The following THBS1 variants were observed in gnomAD, a reference collection of about 807,000 sequenced individuals.
THBS1 encodes thrombospondin 1.
Under a neutral mutation model 126.1 loss-of-function variants are expected in THBS1, and 29 were observed. The ratio of observed to expected loss-of-function variants is 0.23; its 90% confidence interval spans 0.17 to 0.31. The LOEUF is 0.31. Ranked by LOEUF, THBS1 falls within the 10% of genes least tolerant of loss-of-function variation. THBS1 has a pLI of 1.00. For missense variants in THBS1, 1,198 were observed against 1,545.2 expected (o/e 0.78, Z 3.77); for synonymous variants, 496 against 577.8 (o/e 0.86, Z 2.03).
Position 39,589,443 on chromosome 15 carries a change from C to T in THBS1, c.1926+89C>T. ...AGCGGGAGGAATGTAATTTCATACCCTTCACCAAAAAAAAAAGGGCGAGGA... is the reference window on the plus strand; with the variant it reads ...AGCGGGAGGAATGTAATTTCATACCTTTCACCAAAAAAAAAAGGGCGAGGA... On this transcript the variant is annotated intron_variant, in intron 12 of 21. Transcript: ENST00000260356. This position sits in a 1 kb window ranked among gnomAD's most constrained non-coding sequence, Gnocchi z 4.7. 2 of 1,488,324 alleles carry T rather than the reference C, an allele frequency of 1.3e-6. No homozygotes were observed. The highest frequency in any genetic ancestry group is 2.6e-5 in the South Asian group (2 of 77,192). 92.2% of individuals were successfully genotyped at this position (1,488,324 alleles called of 1,614,324 possible). A position where few individuals can be genotyped will look rare whatever the true frequency, so the allele number is the denominator to read the frequency against.
rs528727086 is a variant in THBS1, at chr15:39,594,980, A to G, written c.3506-382A>G. Reference sequence around the variant, plus strand: ...TGGCTCTACCACAAAATAAGTGCTTAATATATATTTACTGGGCCAAGGCCA... The same window carrying G: ...TGGCTCTACCACAAAATAAGTGCTTGATATATATTTACTGGGCCAAGGCCA... On this transcript the variant is annotated intron_variant, in intron 21 of 21. Transcript: ENST00000260356. This position sits in a 1 kb window ranked among gnomAD's most constrained non-coding sequence, Gnocchi z 4.4. Among the ~76,000 whole-genome samples the G allele has an allele frequency of 7.2e-5, 11 of 152,358 alleles. No individual in the cohort carries two copies. The highest frequency in any genetic ancestry group is 2.6e-4 in the African/African-American group (11 of 41,576).
chr15:39,596,965 T>C lies in THBS1; in HGVS notation c.*1596T>C, dbSNP rs1339739893. Reference sequence around the variant, plus strand: ...TTTAAGTGTCTAACAAACTTAAAGCTACTGTAGTACCTAAAAAGTCAGTGT... The same window carrying C: ...TTTAAGTGTCTAACAAACTTAAAGCCACTGTAGTACCTAAAAAGTCAGTGT... On this transcript the variant is annotated 3_prime_UTR_variant, in exon 22 of 22. Coordinates refer to ENST00000260356, the MANE Select transcript of THBS1 (RefSeq NM_003246.4). 6.6e-6 allele frequency: 1 copy of C among 152,252 alleles called. No homozygotes were observed. The highest frequency in any genetic ancestry group is 6.5e-5 in the Admixed American group (1 of 15,288). 9.4% of individuals were successfully genotyped at this position (152,252 alleles called of 1,614,324 possible). A position where few individuals can be genotyped will look rare whatever the true frequency, so the allele number is the denominator to read the frequency against.
Position 39,594,575 on chromosome 15 carries a change from C to A in THBS1, c.3505+135C>A. On this transcript the variant is annotated intron_variant, in intron 21 of 21. Coordinates refer to ENST00000260356, the MANE Select transcript of THBS1 (RefSeq NM_003246.4). This position sits in a 1 kb window ranked among gnomAD's most constrained non-coding sequence, Gnocchi z 4.4. ...TATTTCTATTTTGCTTTTGAGGACA[C>A]AAGGACAAAAATGGAATAATGCCTA... The A allele has an allele frequency of 1.6e-6, 2 of 1,217,130 alleles. No homozygotes were observed. Among genetic ancestry groups the A allele is most frequent in the Non-Finnish European group, 1.1e-6 (1 of 881,992 alleles). The allele number at this position is 1,217,130 out of a possible 1,614,324, so 75.4% of individuals were successfully genotyped here. A position where few individuals can be genotyped will look rare whatever the true frequency, so the allele number is the denominator to read the frequency against.
chr15:39,592,646 C>T lies in THBS1; in HGVS notation c.2611C>T (p.Leu871=), dbSNP rs143245007. Residue 871 remains leucine (L), a synonymous_variant, in exon 17 of 22, where the codon CTG becomes TTG. Coordinates refer to ENST00000260356, the MANE Select transcript of THBS1 (RefSeq NM_003246.4). The surrounding 1 kb of genome is among the most constrained non-coding windows in gnomAD (Gnocchi z 4.3). ...DIDEDGHQNN[L]DNCPYVPNAN... Reference sequence around the variant, plus strand: ...TGATGAAGATGGCCACCAGAACAATCTGGACAACTGTCCCTATGTGCCCAA... The same window carrying T: ...TGATGAAGATGGCCACCAGAACAATTTGGACAACTGTCCCTATGTGCCCAA... 9.6e-4 allele frequency: 1,548 copies of T among 1,614,174 alleles called. 50 individuals are homozygous for T. The East Asian group carries it at 0.034, about 36-fold the overall frequency.
In THBS1 at chr15:39,592,453, C is replaced by A; in HGVS notation, c.2533-115C>A. 1.3e-6 allele frequency: 1 copy of A among 758,880 alleles called. No homozygotes were observed. Among genetic ancestry groups the A allele is most frequent in the Non-Finnish European group, 2.1e-6 (1 of 468,822 alleles). 47.0% of individuals were successfully genotyped at this position (758,880 alleles called of 1,614,324 possible). ...TGCAGGAGTGTGTAAATAGACATGA[C>A]ACCCCACTGGCTGTATCAAACAATG... On this transcript the variant is annotated intron_variant, in intron 16 of 21. Transcript: ENST00000260356. This position sits in a 1 kb window ranked among gnomAD's most constrained non-coding sequence, Gnocchi z 4.3.
rs1890353771 is a variant in THBS1, at chr15:39,592,819, ACTTT to A, written c.2767+20_2767+23del. 1.9e-6 allele frequency: 3 copies of A among 1,604,234 alleles called. No homozygotes were observed. The Admixed American group carries it at 5.0e-5, about 27-fold the overall frequency. On this transcript the variant is annotated intron_variant, in intron 17 of 21. Coordinates refer to ENST00000260356, the MANE Select transcript of THBS1 (RefSeq NM_003246.4). The surrounding 1 kb of genome is among the most constrained non-coding windows in gnomAD (Gnocchi z 4.3). ...ACTCTGACGGTGAGTCATGGGAGCC[ACTTT>A]CTAAGACAGGGACTGCTGGCACAGC... is the stretch of plus-strand genomic sequence containing the variant.
intron 9 of THBS1, 150 bp downstream of exon 9, chr15:39,588,368 C>T: frequency 3.9e-6 from 5 of 1,287,046 alleles, no homozygotes; most frequent in Non-Finnish European, 5.2e-6. Flanking sequence ...GCAGGCTCAG[C>T]AACTTCTTTT....
At position 39,582,436 on chromosome 15, in the gene THBS1, T is replaced by C; in HGVS notation, c.311T>C (p.Leu104Pro). 1 of 1,614,160 alleles carries C rather than the reference T, an allele frequency of 6.2e-7. No individual in the cohort carries two copies. The highest frequency in any genetic ancestry group is 8.5e-7 in the Non-Finnish European group (1 of 1,180,018). Residue 104 changes from leucine to proline, a missense_variant, in exon 3 of 22, where the codon CTG becomes CCG. Leu to Pro is a moderately conservative substitution (Grantham distance 98, BLOSUM62 -3). This residue lies in a region of THBS1 where 271 missense variants were observed against 277.0 expected (regional missense o/e 0.98). Coordinates refer to ENST00000260356, the MANE Select transcript of THBS1 (RefSeq NM_003246.4). ...CAGATGAAGAAGACCCGGGGCACGC[T>C]GCTGGCCCTGGAGCGGAAAGACCAC... ...LRQMKKTRGT[L>P]LALERKDHSG...
chr15:39,589,692 C>T lies in THBS1; in HGVS notation c.1927-113C>T. 8.5e-7 allele frequency: 1 copy of T among 1,179,836 alleles called. No individual in the cohort carries two copies. Among genetic ancestry groups the T allele is most frequent in the Non-Finnish European group, 1.2e-6 (1 of 863,690 alleles). The allele number at this position is 1,179,836 out of a possible 1,614,324, so 73.1% of individuals were successfully genotyped here. A position where few individuals can be genotyped will look rare whatever the true frequency, so the allele number is the denominator to read the frequency against. On this transcript the variant is annotated intron_variant, in intron 12 of 21. Coordinates refer to ENST00000260356, the MANE Select transcript of THBS1 (RefSeq NM_003246.4). The surrounding 1 kb of genome is among the most constrained non-coding windows in gnomAD (Gnocchi z 4.7). ...GGGAGGGACAGAGGTAACCCACACT[C>T]TTCCAAATGGAGCCTCTGTCTACTC...
At chr15:39,586,329 A>T (rs1013417173) in intron 7 of THBS1, among the ~76,000 whole-genome samples, 1 of 152,120 alleles carries the variant, frequency 6.6e-6, no homozygotes, top group African/African-American at 2.4e-5. Context: ...GGTCGTTTTT[A>T]CATTTATTTT....
At chr15:39,583,743 C>A in intron 4 of THBS1, 51 bp downstream of exon 4, 1 of 1,566,754 alleles carries the variant, frequency 6.4e-7, no homozygotes, top group Non-Finnish European at 8.7e-7. Flanking sequence ...GGGAATTCCA[C>A]CAAAAACAAA....
At position 39,585,477 on chromosome 15, in the gene THBS1, TTACCA is replaced by T; in HGVS notation, c.1036_1040del (p.Thr346LeufsTer18). 3 of 1,614,130 alleles carry T rather than the reference TTACCA, an allele frequency of 1.9e-6. No homozygotes were observed. Among genetic ancestry groups the T allele is most frequent in the Non-Finnish European group, 2.5e-6 (3 of 1,179,984 alleles). On this transcript the variant is annotated frameshift_variant, in exon 7 of 22. Coordinates refer to ENST00000260356, the MANE Select transcript of THBS1 (RefSeq NM_003246.4). LOFTEE classifies it high-confidence loss of function. ...CACTCTCTTGCCCTGCAGAACTCAGTTACCATCTGCAAAAAGGTGTCCTGCCCCAT... is the reference window on the plus strand; with the variant it reads ...CACTCTCTTGCCCTGCAGAACTCAGTTCTGCAAAAAGGTGTCCTGCCCCAT...
chr15:39,595,901 G>A lies in THBS1; in HGVS notation c.*532G>A, dbSNP rs748647178. On this transcript the variant is annotated 3_prime_UTR_variant, in exon 22 of 22. Transcript: ENST00000260356. ...GGAACTGTTACATGTTCGGTACTAA[G>A]TCATTTTCAGGGGATTGAAAGACTA... The A allele has an allele frequency of 8.6e-5, 39 of 454,496 alleles. No individual in the cohort carries two copies. Among genetic ancestry groups the A allele is most frequent in the South Asian group, 4.3e-4 (28 of 64,526 alleles). The allele number at this position is 454,496 out of a possible 1,614,324, so 28.2% of individuals were successfully genotyped here.
Position 39,583,992 on chromosome 15 carries a change from C to A in THBS1, c.708C>A (p.Thr236=), listed in dbSNP as rs764233037. 2.7e-5 allele frequency: 43 copies of A among 1,614,052 alleles called. No individual in the cohort carries two copies. Among genetic ancestry groups the A allele is most frequent in the Non-Finnish European group, 3.5e-5 (41 of 1,180,050 alleles). The change falls in exon 5 of 22, where the codon ACC becomes ACA. Residue 236 remains threonine (T), a synonymous_variant. Coordinates refer to ENST00000260356, the MANE Select transcript of THBS1 (RefSeq NM_003246.4). ...TTTCATTTTGTTTCTTGCCAGCTACCAGTGTCCTCCTCACCCTTGACAACA... is the reference window on the plus strand; with the variant it reads ...TTTCATTTTGTTTCTTGCCAGCTACAAGTGTCCTCCTCACCCTTGACAACA... The part of the protein sequence containing the change: ...ILRNKGCSSS[T]SVLLTLDNNV...
At position 39,592,549 on chromosome 15, in the gene THBS1, A is replaced by G. The variant is rs373656263; in HGVS notation, c.2533-19A>G. The G allele has an allele frequency of 7.8e-5, 125 of 1,594,330 alleles. No homozygotes were observed. In the African/African-American group the frequency reaches 1.6e-3, roughly 20 times the overall value. On this transcript the variant is annotated intron_variant, in intron 16 of 21. Transcript: ENST00000260356. The surrounding 1 kb of genome is among the most constrained non-coding windows in gnomAD (Gnocchi z 4.3). ...TGGTTTATACTGCAATTTACCCTCCATTTACATCTCTCTTTCAGCTGGACT... is the reference window on the plus strand; with the variant it reads ...TGGTTTATACTGCAATTTACCCTCCGTTTACATCTCTCTTTCAGCTGGACT...
rs554693587 is a variant in THBS1, at chr15:39,599,362, C to T, written c.*3993C>T. ...TACTTAAAATAACTCTATTTTCTTC[C>T]CCCTTACCTAAATAACAGAAAGGCT... On this transcript the variant is annotated 3_prime_UTR_variant, in exon 22 of 22. Coordinates refer to ENST00000260356, the MANE Select transcript of THBS1 (RefSeq NM_003246.4). 1.8e-3 allele frequency: 267 copies of T among 152,130 alleles called. 1 individual carries two copies. The highest frequency in any genetic ancestry group is 6.1e-3 in the African/African-American group (254 of 41,482). The allele number at this position is 152,130 out of a possible 1,614,324, so 9.4% of individuals were successfully genotyped here.
At position 39,588,057 on chromosome 15, in the gene THBS1, G is replaced by A; in HGVS notation, c.1310G>A (p.Gly437Asp). 1 of 1,614,006 alleles carries A rather than the reference G, an allele frequency of 6.2e-7. No homozygotes were observed. Among genetic ancestry groups the A allele is most frequent in the Non-Finnish European group, 8.5e-7 (1 of 1,179,932 alleles). The change falls in exon 9 of 22, where the codon GGC becomes GAC. Residue 437 changes from glycine to aspartate, a missense_variant. Coordinates refer to ENST00000260356, the MANE Select transcript of THBS1 (RefSeq NM_003246.4). ...ECDKRFKQDG[G>D]WSHWSPWSSC... The stretch of plus-strand genomic sequence containing the variant: ...TGTACTTTAGTTAAACAGGATGGTG[G>A]CTGGAGCCACTGGTCCCCGTGGTCA...
chr15:39,583,693 G>A lies in THBS1; in HGVS notation c.703+1G>A. 6.2e-7 allele frequency: 1 copy of A among 1,613,674 alleles called. No homozygotes were observed. Among genetic ancestry groups the A allele is most frequent in the Non-Finnish European group, 8.5e-7 (1 of 1,179,810 alleles). ...CTCAGGAACAAAGGCTGCTCCAGCT[G>A]TGAGTACCCCTCTATTTTTAGGGCA... On this transcript the variant is annotated splice_donor_variant, in intron 4 of 21. Coordinates refer to ENST00000260356, the MANE Select transcript of THBS1 (RefSeq NM_003246.4). LOFTEE classifies it high-confidence loss of function.
In THBS1 at chr15:39,593,743, C is replaced by T; in HGVS notation, c.3267+75C>T. ...AGCACTGGGGATGCTGTGCTTTGAC[C>T]AAGACTCTGACCAGGGAGTCTTAGA... is the stretch of plus-strand genomic sequence containing the variant. On this transcript the variant is annotated intron_variant, in intron 19 of 21. Transcript: ENST00000260356. The surrounding 1 kb of genome is among the most constrained non-coding windows in gnomAD (Gnocchi z 5.9). 6.4e-7 allele frequency: 1 copy of T among 1,556,116 alleles called. No individual in the cohort carries two copies. The highest frequency in any genetic ancestry group is 8.7e-7 in the Non-Finnish European group (1 of 1,150,766).
Sources: gnomAD v4.1 joint callset for allele counts (sites outside exome capture counted in the v4.1 genomes callset) on GRCh38, gnomAD v4.1.1 for gene constraint, gnomAD v4.1.1 regional missense constraint, Gnocchi (gnomAD v3.1) non-coding constraint, MANE v1.5 for transcripts, NCBI Gene and HGNC (gene_info 2026-07-23, HGNC 2026-07-21) for gene names.